Variants in ADA2 observed in about 807,000 individuals in gnomAD.
The protein encoded by ADA2 is adenosine deaminase 2.
ADA2 carries 29 observed loss-of-function variants against 44.2 expected under a neutral mutation model. The ratio of observed to expected loss-of-function variants is 0.66; its 90% CI spans 0.49 to 0.89. ADA2 has a LOEUF of 0.89. ADA2 is among the 40% of genes least tolerant of loss of function. ADA2 has a pLI of 0.00. For synonymous variants in ADA2, 215 were observed against 234.9 expected (o/e 0.92, Z 0.77); for missense variants, 637 against 644.8 (o/e 0.99, Z 0.13).
intron 3 of ADA2, among the ~76,000 whole-genome samples, chr22:17,205,710 G>A (rs1375977779): frequency 2.0e-5 from 3 of 152,172 alleles, no homozygotes; most frequent in Admixed American, 6.5e-5. Context: ...ACAATGGCTC[G>A]GCTCATGCCT....
chr22:17,196,043 G>A (rs542258230), intron 4 of ADA2, among the ~76,000 whole-genome samples: 20 of 151,916 alleles, frequency 1.3e-4, no homozygotes, highest in Non-Finnish European at 2.2e-4. Flanking sequence ...CACTGCGCCC[G>A]GCAAGAAAAT....
intron 4 of ADA2, 122 bp downstream of exon 4, chr22:17,203,441 A>G (rs759133276): frequency 1.5e-5 from 11 of 754,206 alleles, no homozygotes; most frequent in Non-Finnish European, 2.0e-5. Context: ...GGAAAGGCAC[A>G]TGATCCCTTG....
chr22:17,196,948 G>A (rs562935187), intron 4 of ADA2, among the ~76,000 whole-genome samples: 3 of 152,322 alleles, frequency 2.0e-5, no homozygotes, highest in African/African-American at 7.2e-5. Context: ...CGAGGCAGGC[G>A]AATCACCTGA....
intron 4 of ADA2, among the ~76,000 whole-genome samples, chr22:17,193,777 A>G (rs1352972848): frequency 6.6e-6 from 1 of 152,000 alleles, no homozygotes; most frequent in Non-Finnish European, 1.5e-5. Context: ...CCATGGCATC[A>G]GTTAAGCCCT....
intron 9 of ADA2, 53 bp downstream of exon 9, chr22:17,181,767 C>G (rs962016488): frequency 5.3e-6 from 8 of 1,506,184 alleles, no homozygotes; most frequent in Non-Finnish European, 7.4e-6. Flanking sequence ...GAGGCAAACA[C>G]AAGCTGCGGG....
rs1367102610 is a variant in ADA2 at position 17,179,138 on chromosome 22, C to T, written c.*2345G>A. 2.0e-5 allele frequency: 3 copies of T among 152,242 alleles called. No individual in the cohort carries two copies. The highest frequency in any genetic ancestry group is 4.4e-5 in the Non-Finnish European group (3 of 68,088). 9.4% of individuals were successfully genotyped at this position (152,242 alleles called of 1,614,324 possible). A position where few individuals can be genotyped will look rare whatever the true frequency, so the allele number is the denominator to read the frequency against. On this transcript the variant is annotated 3_prime_UTR_variant, in exon 10 of 10. Transcript: ENST00000399837. ...GGGCTTTTGAGGAATTCTTTGATTC[C>T]CTGCCATCCTTGAGTTGGGTGAGGA...
rs1161013675 is a variant in ADA2 at position 17,203,747 on chromosome 22, G to A, written c.569C>T (p.Thr190Ile). The change falls in exon 4 of 10, where the codon ACC (threonine) becomes ATC (isoleucine). Residue 190 changes from threonine (T) to isoleucine (I), a missense_variant. Transcript: ENST00000399837. ...TGTGTAAATCACCTCCGGGTGCTGGGTCACCAGAGTGAAATTCCTCAGCAA... is the reference window on the plus strand; with the variant it reads ...TGTGTAAATCACCTCCGGGTGCTGGATCACCAGAGTGAAATTCCTCAGCAA... ...DSLLRNFTLV[T>I]QHPEVIYTNQ... The A allele has an allele frequency of 6.2e-7, 1 of 1,613,918 alleles. No individual in the cohort carries two copies. The highest frequency in any genetic ancestry group is 8.5e-7 in the Non-Finnish European group (1 of 1,179,858).
upstream of ADA2, among the ~76,000 whole-genome samples, chr22:17,221,139 T>C (rs569401329): frequency 1.4e-4 from 20 of 146,820 alleles, no homozygotes; most frequent in African/African-American, 4.7e-4. Context: ...TGAGATTTTG[T>C]CTCAAAAAAA....
Position 17,181,913 on chromosome 22 carries a change from C to A in ADA2, c.1349G>T (p.Gly450Val), listed in dbSNP as rs771622323. ...GACCTCATAGAAATCATAGGACAAG[C>A]CTTTGGCACCAAACATAGCTGGGTC... The part of the protein sequence containing the change: ...SDDPAMFGAK[G>V]LSYDFYEVFM... The change falls in exon 9 of 10, where the codon GGC becomes GTC. Residue 450 changes from glycine to valine, a missense_variant. Coordinates refer to ENST00000399837, the MANE Select transcript of ADA2 (RefSeq NM_001282225.2). 1 of 1,614,150 alleles carries A rather than the reference C, an allele frequency of 6.2e-7. No individual in the cohort carries two copies. Among genetic ancestry groups the A allele is most frequent in the Non-Finnish European group, 8.5e-7 (1 of 1,180,018 alleles).
In ADA2 at chr22:17,209,720, G is replaced by A. The variant is rs183238855; in HGVS notation, c.-43C>T. 1.6e-4 allele frequency: 242 copies of A among 1,514,820 alleles called. 1 individual carries two copies. In the East Asian group the frequency reaches 5.0e-3, roughly 31 times the overall value. 93.8% of individuals were successfully genotyped at this position (1,514,820 alleles called of 1,614,324 possible). A position where few individuals can be genotyped will look rare whatever the true frequency, so the allele number is the denominator to read the frequency against. Reference sequence around the variant, plus strand: ...GAAAGGGCTCAGATGGAGACTCCACGGGACTGCAAAGGAGAGTGGGGGAGT... The same window carrying A: ...GAAAGGGCTCAGATGGAGACTCCACAGGACTGCAAAGGAGAGTGGGGGAGT... On this transcript the variant is annotated 5_prime_UTR_variant, in exon 2 of 10. Transcript: ENST00000399837.
At chr22:17,209,758 A>C (rs1319489151) in intron 1 of ADA2, 35 bp from the exon 2 acceptor site, 3 of 1,097,310 alleles carry the variant, frequency 2.7e-6, no homozygotes, top group Non-Finnish European at 3.9e-6. Flanking sequence ...AAACCTACAG[A>C]TTTAAGGGTG....
chr22:17,209,447 G>A lies in ADA2; in HGVS notation c.231C>T (p.Thr77=). The A allele has an allele frequency of 6.2e-7, 1 of 1,614,052 alleles. No individual in the cohort carries two copies. The highest frequency in any genetic ancestry group is 8.5e-7 in the Non-Finnish European group (1 of 1,180,004). ...KIAEMKEAMR[T]LIFPPSMHFF... ...AGTGCATGCTGGGTGGGAATATCAGGGTCCTCATGGCCTCCTTCATCTCAG... is the reference window on the plus strand; with the variant it reads ...AGTGCATGCTGGGTGGGAATATCAGAGTCCTCATGGCCTCCTTCATCTCAG... Residue 77 remains threonine, a synonymous_variant, in exon 2 of 10, where the codon ACC becomes ACT. Coordinates refer to ENST00000399837, the MANE Select transcript of ADA2 (RefSeq NM_001282225.2).
At chr22:17,210,527 A>C (rs777150344) in intron 1 of ADA2, among the ~76,000 whole-genome samples, 2 of 151,964 alleles carry the variant, frequency 1.3e-5, no homozygotes, top group African/African-American at 2.4e-5. Flanking sequence ...AGGTCAAACA[A>C]GCCCTGGCTC....
intron 5 of ADA2, 94 bp from the exon 6 acceptor site, chr22:17,190,126 C>A (rs2062096887): frequency 2.0e-6 from 2 of 1,008,840 alleles, no homozygotes; most frequent in Non-Finnish European, 3.1e-6. Flanking sequence ...GGGCCAGCCC[C>A]AAGTGTGCAG....
At chr22:17,182,869 C>A in intron 7 of ADA2, 108 bp from the exon 8 acceptor site, 3 of 1,075,242 alleles carry the variant, frequency 2.8e-6, no homozygotes, top group Non-Finnish European at 4.1e-6. Flanking sequence ...AATAAACAGC[C>A]CCCCAAGCAC....
At chr22:17,190,081 G>A (rs748927460) in intron 5 of ADA2, 49 bp from the exon 6 acceptor site, 48 of 1,405,750 alleles carry the variant, frequency 3.4e-5, no homozygotes, top group Non-Finnish European at 4.8e-5. Context: ...CACCGACAGA[G>A]CACAAACCCC....
rs1384794246 is a variant in ADA2, at chr22:17,180,372, C to G, written c.*1111G>C. On this transcript the variant is annotated 3_prime_UTR_variant, in exon 10 of 10. Coordinates refer to ENST00000399837, the MANE Select transcript of ADA2 (RefSeq NM_001282225.2). The stretch of plus-strand genomic sequence containing the variant: ...GCATCAAGAAGCCACCGCTGGAGTC[C>G]AGATGAGGGATGCGTTCTGATGTAG... 6.6e-6 allele frequency: 1 copy of G among 152,024 alleles called. No homozygotes were observed. The highest frequency in any genetic ancestry group is 1.5e-5 in the Non-Finnish European group (1 of 68,068). The allele number at this position is 152,024 out of a possible 1,614,324, so 9.4% of individuals were successfully genotyped here.
At chr22:17,185,047 T>C (rs1449007795) in intron 7 of ADA2, among the ~76,000 whole-genome samples, 1 of 143,730 alleles carries the variant, frequency 7.0e-6, no homozygotes, top group East Asian at 2.0e-4. Context: ...ACTCAAGAAT[T>C]TCCATTGCTA....
At chr22:17,191,884 C>A in intron 4 of ADA2, 74 bp from the exon 5 acceptor site, 1 of 1,483,090 alleles carries the variant, frequency 6.7e-7, no homozygotes. Context: ...CCACCCCTGC[C>A]CAGCCACCCC....
Sources: gnomAD v4.1 joint callset for allele counts (sites outside exome capture counted in the v4.1 genomes callset) on GRCh38, gnomAD v4.1.1 for gene constraint, MANE v1.5 for transcripts, NCBI Gene and HGNC (gene_info 2026-07-23, HGNC 2026-07-21) for gene names.